The following WNK2 variants were observed in gnomAD, a reference collection of about 807,000 sequenced individuals.
WNK2 encodes WNK lysine deficient protein kinase 2.
In WNK2, 67 loss-of-function variants were observed where a neutral mutation model predicts 192.1. The observed-to-expected ratio is 0.35, with a 90% CI of 0.29 to 0.43. The LOEUF (loss-of-function observed/expected upper bound fraction) is 0.43. Ranked by LOEUF, WNK2 falls within the 20% of genes least tolerant of loss-of-function variation. WNK2 has a pLI of 1.00. For synonymous variants in WNK2, 1,439 were observed against 1,393.9 expected (o/e 1.03, Z -0.72); for missense variants, 2,698 against 3,089.7 (o/e 0.87, Z 3.01).
chr9:93,261,448 C>T (rs939396025), intron 12 of WNK2, among the ~76,000 whole-genome samples: 1 of 152,164 alleles, frequency 6.6e-6, no homozygotes, highest in Non-Finnish European at 1.5e-5. Flanking sequence ...ACACTCTGAC[C>T]GGGGGCCAGA....
At chr9:93,232,224 G>T (rs1363756399) in intron 4 of WNK2, among the ~76,000 whole-genome samples, 3 of 152,224 alleles carry the variant, frequency 2.0e-5, no homozygotes, top group Non-Finnish European at 2.9e-5. Context: ...AGCTGCTTTG[G>T]TTTGGGAAGT....
At chr9:93,271,584 A>G (rs1846012453) in intron 19 of WNK2, among the ~76,000 whole-genome samples, 1 of 152,256 alleles carries the variant, frequency 6.6e-6, no homozygotes, top group Non-Finnish European at 1.5e-5. Context: ...TGGAATTTTT[A>G]ACATTGAAAG....
chr9:93,289,504 A>T lies in WNK2; in HGVS notation c.4750A>T (p.Thr1584Ser). 6.2e-6 allele frequency: 10 copies of T among 1,605,154 alleles called. No individual in the cohort carries two copies. Among genetic ancestry groups the T allele is most frequent in the Non-Finnish European group, 8.5e-6 (10 of 1,174,460 alleles). ...TPVEVGDRDFTLEPLRGDQPR... is the reference protein window; with the variant it reads ...TPVEVGDRDFSLEPLRGDQPR... ...TGTGGAGGTGGGCGACAGAGACTTC[A>T]CCCTGGAGCCCCTGAGAGGGGACCA... The change falls in exon 20 of 30, where the codon ACC becomes TCC. Residue 1584 changes from threonine (T) to serine (S), a missense_variant. By Grantham distance (58) the Thr-to-Ser change is moderately conservative (BLOSUM62 1). Around this residue, in one of 7 missense-constraint regions of WNK2, gnomAD observed 1,098 missense variants for 1,101.0 expected, o/e 1.00. Coordinates refer to ENST00000427277, the MANE Select transcript of WNK2 (RefSeq NM_006648.4).
chr9:93,279,478 T>C (rs2133537124), intron 19 of WNK2, among the ~76,000 whole-genome samples: 1 of 152,324 alleles, frequency 6.6e-6, no homozygotes, highest in African/African-American at 2.4e-5. Flanking sequence ...GAAGACACAG[T>C]ATTGTTACAG....
At chr9:93,307,720 C>G (rs1564226132) in intron 27 of WNK2, 1 of 152,366 alleles carries the variant, frequency 6.6e-6, no homozygotes, top group Admixed American at 6.5e-5. Context: ...TGCGAATGCG[C>G]TGGTCAGGAC....
intron 2 of WNK2, among the ~76,000 whole-genome samples, chr9:93,219,068 G>A (rs78992040): frequency 0.021 from 3,221 of 152,348 alleles, 119 homozygotes; most frequent in African/African-American, 0.074. Flanking sequence ...TCAGCTGCCC[G>A]TGTTAAGCCC....
At chr9:93,228,519 C>CT (rs1374151998) in intron 2 of WNK2, among the ~76,000 whole-genome samples, 1 of 152,210 alleles carries the variant, frequency 6.6e-6, no homozygotes, top group African/African-American at 2.4e-5. Flanking sequence ...ATACACGTTT[C>CT]TTTTCTGACA....
At chr9:93,186,633 G>T (rs992027053) in intron 2 of WNK2, among the ~76,000 whole-genome samples, 2 of 152,236 alleles carry the variant, frequency 1.3e-5, no homozygotes, top group Non-Finnish European at 2.9e-5. Context: ...GGGGCCGCTG[G>T]CCACACTGCG....
intron 2 of WNK2, among the ~76,000 whole-genome samples, chr9:93,191,671 C>T (rs190830876): frequency 6.6e-6 from 1 of 151,996 alleles, no homozygotes; most frequent in East Asian, 1.9e-4. Flanking sequence ...AGGGGAGAAG[C>T]ATCAGATTCT....
rs965118215 is a variant in WNK2, at chr9:93,289,131, T to A, written c.4377T>A (p.Ala1459=). Reference sequence around the variant, plus strand: ...TGGGCCTAGCACCTTGCACTCCAGCTCCAGAGGCTGCCTCAACCAGGGACG... The same window carrying A: ...TGGGCCTAGCACCTTGCACTCCAGCACCAGAGGCTGCCTCAACCAGGGACG... The part of the protein sequence containing the change: ...LVVGLAPCTP[A]PEAASTRDAS... The change falls in exon 20 of 30, where the codon GCT becomes GCA. Residue 1459 remains alanine (A), a synonymous_variant. Coordinates refer to ENST00000427277, the MANE Select transcript of WNK2 (RefSeq NM_006648.4). The A allele has an allele frequency of 1.2e-6, 2 of 1,602,500 alleles. No homozygotes were observed. Among genetic ancestry groups the A allele is most frequent in the South Asian group, 1.1e-5 (1 of 90,270 alleles).
chr9:93,269,079 T>C, intron 19 of WNK2: 1 of 822,248 alleles, frequency 1.2e-6, no homozygotes, highest in Non-Finnish European at 1.9e-6. Flanking sequence ...CCCTTTCCTC[T>C]GTGCCGCACA....
intron 27 of WNK2, 149 bp downstream of exon 27, chr9:93,306,970 C>A: frequency 1.1e-6 from 1 of 941,076 alleles, no homozygotes; most frequent in Non-Finnish European, 1.7e-6. Context: ...CCGGGCACTG[C>A]TTCGCTTCTG....
chr9:93,314,425 C>T (rs530006337), intron 28 of WNK2, among the ~76,000 whole-genome samples: 15 of 145,644 alleles, frequency 1.0e-4, no homozygotes, highest in African/African-American at 3.3e-4. Flanking sequence ...TCCAGCCTGG[C>T]GACAGAGCAA....
chr9:93,273,308 C>G (rs770682812), intron 19 of WNK2, among the ~76,000 whole-genome samples: 2 of 152,210 alleles, frequency 1.3e-5, no homozygotes, highest in African/African-American at 2.4e-5. Context: ...CAGGCACACA[C>G]CACTGTGCCC....
At chr9:93,258,804 A>T in intron 11 of WNK2, 127 bp from the exon 12 acceptor site, 3 of 787,518 alleles carry the variant, frequency 3.8e-6, no homozygotes, top group Non-Finnish European at 6.1e-6. Context: ...TCTCGGAGGG[A>T]AAGGGTCATG....
intron 14 of WNK2, among the ~76,000 whole-genome samples, chr9:93,262,924 G>C (rs1365867975): frequency 6.6e-6 from 1 of 152,250 alleles, no homozygotes; most frequent in East Asian, 1.9e-4. Flanking sequence ...TTGGTAGCCA[G>C]AGGCCCCTGG....
At position 93,218,554 on chromosome 9, in the gene WNK2, G is replaced by T. The variant is rs564933331; in HGVS notation, c.682-11142G>T. ...CCATGGGGATTTCTCTTCCTCACTT[G>T]TGTGCCCACTGGGAGGGCCCCATTT... On this transcript the variant is annotated intron_variant, in intron 2 of 29. Transcript: ENST00000427277. Among the ~76,000 whole-genome samples, 12 of 152,354 alleles carry T rather than the reference G, an allele frequency of 7.9e-5. No homozygotes were observed. The South Asian group carries it at 1.7e-3, about 21-fold the overall frequency.
At chr9:93,214,422 G>A (rs1388741460) in intron 2 of WNK2, among the ~76,000 whole-genome samples, 1 of 152,026 alleles carries the variant, frequency 6.6e-6, no homozygotes, top group Non-Finnish European at 1.5e-5. Flanking sequence ...TTCTGCCTCA[G>A]CTTCCCAAGT....
chr9:93,288,816 C>T lies in WNK2; in HGVS notation c.4062C>T (p.Ser1354=). 1 of 1,612,116 alleles carries T rather than the reference C, an allele frequency of 6.2e-7. No homozygotes were observed. Among genetic ancestry groups the T allele is most frequent in the Non-Finnish European group, 8.5e-7 (1 of 1,179,570 alleles). The change falls in exon 20 of 30, where the codon TCC becomes TCT. Residue 1354 remains serine (S), a synonymous_variant. Coordinates refer to ENST00000427277, the MANE Select transcript of WNK2 (RefSeq NM_006648.4). Reference sequence around the variant, plus strand: ...CAGCGCCCTATAAAGACCAGCTGTCCTCGAAGGAACAACCCAGCTTTCTAG... The same window carrying T: ...CAGCGCCCTATAAAGACCAGCTGTCTTCGAAGGAACAACCCAGCTTTCTAG... ...QDSAPYKDQL[S]SKEQPSFLAS... is the part of the protein sequence containing the mutation.
Sources: gnomAD v4.1 joint callset for allele counts (sites outside exome capture counted in the v4.1 genomes callset) on GRCh38, gnomAD v4.1.1 for gene constraint, gnomAD v4.1.1 regional missense constraint, MANE v1.5 for transcripts, NCBI Gene and HGNC (gene_info 2026-07-23, HGNC 2026-07-21) for gene names.